Variants in TENM1 observed in about 807,000 individuals in gnomAD.
The protein encoded by TENM1 is teneurin transmembrane protein 1, also known as teneurin-1.
In TENM1, 35 loss-of-function variants were observed where a neutral mutation model predicts 174.8. The ratio of observed to expected loss-of-function variants is 0.20; its 90% confidence interval spans 0.15 to 0.27. The LOEUF (loss-of-function observed/expected upper bound fraction) is 0.27. Among genes scored for constraint, TENM1 ranks in the 10% least tolerant of loss-of-function variants. TENM1 has a pLI of 1.00. For missense variants in TENM1, 1,633 were observed against 2,130.1 expected (o/e 0.77, Z 4.59); for synonymous variants, 781 against 798.7 (o/e 0.98, Z 0.37).
chrX:125,001,572 T>C, the TENM1 span, among the ~76,000 whole-genome samples: 1 of 110,826 alleles, frequency 9.0e-6, no homozygotes, highest in African/African-American at 3.3e-5. Flanking sequence ...GGTCTAAGAA[T>C]CTAGAGGAGG....
intron 1 of TENM1, among the ~76,000 whole-genome samples, chrX:124,907,113 G>T (rs1237717682): frequency 9.0e-6 from 1 of 111,629 alleles, no homozygotes; most frequent in East Asian, 2.8e-4. Flanking sequence ...AAATACAGGG[G>T]GAAGACAAGA....
chrX:124,705,590 CAG>C (rs1163944670), intron 4 of TENM1, among the ~76,000 whole-genome samples: 1 of 111,609 alleles, frequency 9.0e-6, no homozygotes, highest in Non-Finnish European at 1.9e-5. Flanking sequence ...GATTCAAAAA[CAG>C]AGATGCATCA....
At chrX:124,795,544 T>C (rs753986677) in intron 3 of TENM1, among the ~76,000 whole-genome samples, 72 of 111,698 alleles carry the variant, frequency 6.4e-4, no homozygotes, top group Non-Finnish European at 1.3e-3. Flanking sequence ...ATGGTAAGTG[T>C]AATATAGCCT....
chrX:124,759,308 T>C (rs2054347745), intron 3 of TENM1, among the ~76,000 whole-genome samples: 1 of 111,242 alleles, frequency 9.0e-6, no homozygotes, highest in African/African-American at 3.3e-5. Flanking sequence ...TTTTAATAGA[T>C]AGAAATAGTT....
chrX:125,108,883 A>G, the TENM1 span, among the ~76,000 whole-genome samples: 3 of 109,947 alleles, frequency 2.7e-5, no homozygotes, highest in Admixed American at 9.7e-5. Context: ...ATTGGCTCCA[A>G]CCTACCTTCA....
the TENM1 span, among the ~76,000 whole-genome samples, chrX:125,029,848 G>T: frequency 1.8e-5 from 2 of 111,577 alleles, no homozygotes; most frequent in Middle Eastern, 9.2e-3. Context: ...CAGTTCACCA[G>T]GGTAGGGCAC....
chrX:124,880,868 C>A (rs2057291480), intron 3 of TENM1, among the ~76,000 whole-genome samples: 1 of 111,796 alleles, frequency 8.9e-6, no homozygotes, highest in South Asian at 3.8e-4. Flanking sequence ...CATCTTTGCA[C>A]CTCTGGGATA....
chrX:124,593,319 A>G (rs1172445193), intron 11 of TENM1, among the ~76,000 whole-genome samples: 1 of 111,497 alleles, frequency 9.0e-6, no homozygotes, highest in Non-Finnish European at 1.9e-5. Context: ...AAATGCCTGG[A>G]GATCTGCCTG....
At chrX:124,401,182 T>G (rs2147656981) in intron 27 of TENM1, among the ~76,000 whole-genome samples, 1 of 111,891 alleles carries the variant, frequency 8.9e-6, no homozygotes, top group South Asian at 3.8e-4. Context: ...TTCTGATTTT[T>G]TTTTCTTTCC....
intron 15 of TENM1, among the ~76,000 whole-genome samples, chrX:124,535,140 T>G (rs1476242378): frequency 8.9e-6 from 1 of 111,821 alleles, no homozygotes; most frequent in African/African-American, 3.3e-5. Context: ...CTGGAAAGCC[T>G]TATTGAAACA....
the TENM1 span, among the ~76,000 whole-genome samples, chrX:125,127,053 A>G: frequency 8.9e-6 from 1 of 111,840 alleles, no homozygotes; most frequent in South Asian, 3.7e-4. Flanking sequence ...GGCCACTTAT[A>G]TATGCACATG....
chrX:124,388,801 A>T (rs2060251194), intron 28 of TENM1, among the ~76,000 whole-genome samples: 1 of 112,426 alleles, frequency 8.9e-6, no homozygotes, highest in African/African-American at 3.2e-5. Context: ...AGCTGAAGCC[A>T]AAGTCGTCGT....
At chrX:124,461,032 A>G (rs887564589) in intron 22 of TENM1, among the ~76,000 whole-genome samples, 1 of 112,172 alleles carries the variant, frequency 8.9e-6, no homozygotes, top group African/African-American at 3.2e-5. Context: ...GATCTCTTAG[A>G]CTTCTTCAGA....
At chrX:125,166,407 G>A in the TENM1 span, among the ~76,000 whole-genome samples, 2 of 110,834 alleles carry the variant, frequency 1.8e-5, no homozygotes, top group Non-Finnish European at 3.8e-5. Flanking sequence ...TCCTGGAGAG[G>A]TTGTGATGAC....
the TENM1 span, among the ~76,000 whole-genome samples, chrX:125,029,605 T>C: frequency 8.9e-6 from 1 of 112,054 alleles, no homozygotes; most frequent in African/African-American, 3.2e-5. Flanking sequence ...TGCGAAGTAT[T>C]ACTTAGTAAA....
At chrX:124,559,876 T>C (rs1014219863) in intron 14 of TENM1, among the ~76,000 whole-genome samples, 6 of 111,170 alleles carry the variant, frequency 5.4e-5, no homozygotes, top group African/African-American at 1.6e-4. Flanking sequence ...TGTTTGATTG[T>C]ATAGTGCATA....
chrX:124,959,940 T>C (rs768650059), intron 1 of TENM1, among the ~76,000 whole-genome samples: 15 of 111,736 alleles, frequency 1.3e-4, no homozygotes, highest in African/African-American at 4.2e-4. Flanking sequence ...CCTAATTCAG[T>C]GGCCTCACAG....
Position 124,620,150 on chromosome X carries a change from C to G in TENM1, c.2077+21641G>C, listed in dbSNP as rs2050485838. On this transcript the variant is annotated intron_variant, in intron 11 of 31. Coordinates refer to ENST00000422452, the Ensembl canonical transcript of TENM1. ...TCTCTGTATATTACTTACTTCTTTT[C>G]TATTCTTTAAAGAATGGGAGAAGAC... Among the ~76,000 whole-genome samples, 3 of 112,345 alleles carry G rather than the reference C, an allele frequency of 2.7e-5. No homozygotes were observed. In the South Asian group the frequency reaches 1.1e-3, roughly 42 times the overall value.
At chrX:124,579,373 A>G (rs763351574) in intron 11 of TENM1, among the ~76,000 whole-genome samples, 1 of 55,340 alleles carries the variant, frequency 1.8e-5, no homozygotes, top group East Asian at 6.0e-4. Context: ...ATTTAGTAGA[A>G]TCACCTTCTT....
Sources: allele counts gnomAD v4.1 joint callset (sites outside exome capture counted in the v4.1 genomes callset), GRCh38; gene constraint gnomAD v4.1.1; transcripts MANE v1.5; gene names NCBI Gene and HGNC (gene_info 2026-07-23, HGNC 2026-07-21).